SLC38A1: variants seen among roughly 807,000 people sequenced by gnomAD.
The protein encoded by SLC38A1 is sodium-coupled neutral amino acid symporter 1.
In SLC38A1, 18 loss-of-function variants were observed where a neutral mutation model predicts 60.3. The observed-to-expected ratio is 0.30, with a 90% CI of 0.21 to 0.44. The LOEUF is 0.44. Among genes scored for constraint, SLC38A1 ranks in the 20% least tolerant of loss-of-function variants. SLC38A1 has a pLI of 1.00. For missense variants in SLC38A1, 448 were observed against 587.2 expected (o/e 0.76, Z 2.45); for synonymous variants, 196 against 212.1 (o/e 0.92, Z 0.66).
intron 1 of SLC38A1, among the ~76,000 whole-genome samples, chr12:46,244,464 G>A (rs1941548435): frequency 6.6e-6 from 1 of 152,208 alleles, no homozygotes; most frequent in South Asian, 2.1e-4. Flanking sequence ...TAGGTTTCTA[G>A]ATATAATTTA....
chr12:46,219,542 C>T (rs1940565920), intron 5 of SLC38A1, among the ~76,000 whole-genome samples: 1 of 152,158 alleles, frequency 6.6e-6, no homozygotes, highest in African/African-American at 2.4e-5. Context: ...AATCATGTGC[C>T]TGACATAAGG....
intron 2 of SLC38A1, among the ~76,000 whole-genome samples, 161 bp from the exon 3 acceptor site, chr12:46,240,054 G>A (rs1171467521): frequency 2.0e-5 from 3 of 151,990 alleles, no homozygotes; most frequent in African/African-American, 7.3e-5. Context: ...TTATGGAGGT[G>A]TATCTAAATT....
intron 1 of SLC38A1, among the ~76,000 whole-genome samples, chr12:46,256,462 A>T (rs1942025399): frequency 6.6e-6 from 1 of 152,282 alleles, no homozygotes; most frequent in Non-Finnish European, 1.5e-5. Context: ...AAGACAAAGG[A>T]TGATCCCTTA....
At chr12:46,266,341 A>G (rs1433632648) in intron 1 of SLC38A1, among the ~76,000 whole-genome samples, 6 of 152,342 alleles carry the variant, frequency 3.9e-5, no homozygotes, top group African/African-American at 1.4e-4. Flanking sequence ...CATAAAAAAT[A>G]TACATAAACA....
intron 13 of SLC38A1, among the ~76,000 whole-genome samples, chr12:46,200,523 A>G (rs1278395736): frequency 6.6e-6 from 1 of 152,176 alleles, no homozygotes; most frequent in Non-Finnish European, 1.5e-5. Flanking sequence ...GAGGATGAAG[A>G]AGCAGTAAAC....
intron 3 of SLC38A1, among the ~76,000 whole-genome samples, chr12:46,234,470 C>T (rs1487531372): frequency 1.3e-4 from 18 of 136,962 alleles, no homozygotes; most frequent in Non-Finnish European, 2.7e-4. Flanking sequence ...TTTGTTGAGA[C>T]GGAGTCTCTG....
At position 46,190,558 on chromosome 12, in the gene SLC38A1, TA is replaced by T. The variant is rs548878650; in HGVS notation, c.1363-1488del. Among the ~76,000 whole-genome samples, 273 of 152,354 alleles carry T rather than the reference TA, an allele frequency of 1.8e-3. 2 individuals carry two copies. The highest frequency in any genetic ancestry group is 6.3e-3 in the African/African-American group (260 of 41,580). On this transcript the variant is annotated intron_variant, in intron 16 of 16. Transcript: ENST00000398637. ...CTAATTTACACTCCCACCAACAGTG[TA>T]AAAGTGTTCCTATTTCTCCACATCC...
intron 1 of SLC38A1, chr12:46,254,842 G>C (rs1287305027): frequency 1.3e-5 from 2 of 153,174 alleles, no homozygotes; most frequent in African/African-American, 2.4e-5. Flanking sequence ...GGGGAAATCA[G>C]GTAGAGAGAA....
At chr12:46,249,793 A>C (rs1398256952) in intron 1 of SLC38A1, among the ~76,000 whole-genome samples, 1 of 152,236 alleles carries the variant, frequency 6.6e-6, no homozygotes, top group Non-Finnish European at 1.5e-5. Context: ...ACCAGGAAGA[A>C]GTGGAATCTC....
chr12:46,254,643 G>T (rs1370003895), intron 1 of SLC38A1, among the ~76,000 whole-genome samples: 2 of 152,108 alleles, frequency 1.3e-5, no homozygotes, highest in Non-Finnish European at 2.9e-5. Context: ...TCCCCAAAGG[G>T]ATTTGCTTGG....
intron 5 of SLC38A1, among the ~76,000 whole-genome samples, chr12:46,220,836 T>C (rs780765072): frequency 6.6e-6 from 1 of 152,200 alleles, no homozygotes; most frequent in Non-Finnish European, 1.5e-5. Context: ...GCTGGTGCAA[T>C]TGGTTAAGAA....
chr12:46,244,822 C>T (rs906338625), intron 1 of SLC38A1, among the ~76,000 whole-genome samples: 21 of 152,310 alleles, frequency 1.4e-4, no homozygotes, highest in East Asian at 5.8e-4. Flanking sequence ...TTTTCCTTAG[C>T]GTAAACAGAT....
chr12:46,219,042 G>A (rs964881660), intron 5 of SLC38A1, among the ~76,000 whole-genome samples: 3 of 152,204 alleles, frequency 2.0e-5, no homozygotes, highest in Non-Finnish European at 4.4e-5. Flanking sequence ...GCCAGAGGCT[G>A]CATGACCCCT....
Position 46,207,144 on chromosome 12 carries a change from C to T in SLC38A1, c.563+11G>A, listed in dbSNP as rs183347025. The stretch of plus-strand genomic sequence containing the variant: ...TTTAGTTATATCATAAAAAAATGGT[C>T]TATAACTTACGAAAATGTCTCTTCC... On this transcript the variant is annotated intron_variant, in intron 8 of 16. Coordinates refer to ENST00000398637, the MANE Select transcript of SLC38A1 (RefSeq NM_030674.4). The T allele has an allele frequency of 5.1e-6, 8 of 1,579,586 alleles. No homozygotes were observed. In the South Asian group the frequency reaches 9.1e-5, roughly 18 times the overall value.
intron 16 of SLC38A1, among the ~76,000 whole-genome samples, chr12:46,194,498 G>A (rs1939280681): frequency 1.3e-5 from 2 of 152,286 alleles, no homozygotes; most frequent in East Asian, 1.9e-4. Context: ...GATTGGGGAA[G>A]TTCTCCTCGA....
intron 3 of SLC38A1, among the ~76,000 whole-genome samples, chr12:46,235,287 C>A (rs1941220940): frequency 6.6e-6 from 1 of 152,172 alleles, no homozygotes; most frequent in Non-Finnish European, 1.5e-5. Flanking sequence ...CAGGTTCTTA[C>A]TAGATTATAC....
At chr12:46,221,450 T>G (rs906959144) in intron 5 of SLC38A1, among the ~76,000 whole-genome samples, 2 of 152,162 alleles carry the variant, frequency 1.3e-5, no homozygotes, top group Admixed American at 1.3e-4. Context: ...GCCAGTCCCA[T>G]GCTGACTCTG....
intron 4 of SLC38A1, 143 bp from the exon 5 acceptor site, chr12:46,229,411 G>T: frequency 1.2e-6 from 1 of 810,048 alleles, no homozygotes; most frequent in Non-Finnish European, 2.0e-6. Flanking sequence ...TTATTTCCTT[G>T]AATGGATTTC....
intron 16 of SLC38A1, among the ~76,000 whole-genome samples, chr12:46,189,462 A>G (rs1008663358): frequency 6.6e-6 from 1 of 152,232 alleles, no homozygotes; most frequent in African/African-American, 2.4e-5. Flanking sequence ...CTACCAACTT[A>G]GCTTATCACT....
Sources: gnomAD v4.1 joint callset for allele counts (sites outside exome capture counted in the v4.1 genomes callset) on GRCh38, gnomAD v4.1.1 for gene constraint, MANE v1.5 for transcripts, NCBI Gene and HGNC (gene_info 2026-07-23, HGNC 2026-07-21) for gene names.